CSRNP3: variants seen among roughly 807,000 people sequenced by gnomAD.
The protein encoded by CSRNP3 is cysteine/serine-rich nuclear protein 3.
A neutral mutation model predicts 48.0 loss-of-function variants in CSRNP3; 12 were observed. The ratio of observed to expected loss-of-function variants is 0.25; its 90% CI spans 0.16 to 0.41. CSRNP3 has a LOEUF of 0.41. Among genes scored for constraint, CSRNP3 ranks in the 10% least tolerant of loss-of-function variants. The probability of loss-of-function intolerance (pLI) is 1.00; values close to 1 mark genes in which losing one functional copy is unlikely to be tolerated. For missense variants in CSRNP3, 580 were observed against 724.4 expected (o/e 0.80, Z 2.29); for synonymous variants, 263 against 269.7 (o/e 0.98, Z 0.24).
intron 3 of CSRNP3, among the ~76,000 whole-genome samples, chr2:165,519,612 G>A (rs1270249402): frequency 1.3e-5 from 2 of 152,138 alleles, no homozygotes; most frequent in African/African-American, 2.4e-5. Context: ...CATTAGAGAA[G>A]CAGCTAAATT....
rs1687607071 is a variant in CSRNP3, at chr2:165,684,931, G to C, written c.*5178G>C. 3 of 152,088 alleles carry C rather than the reference G, an allele frequency of 2.0e-5. No homozygotes were observed. The highest frequency in any genetic ancestry group is 4.8e-5 in the African/African-American group (2 of 41,444). The allele number at this position is 152,088 out of a possible 1,614,324, so 9.4% of individuals were successfully genotyped here. ...GGCAGCCCCAAACCTAGAAGGGGCAGTTACAATGTGGACACCCTTTCAGCC... is the reference window on the plus strand; with the variant it reads ...GGCAGCCCCAAACCTAGAAGGGGCACTTACAATGTGGACACCCTTTCAGCC... On this transcript the variant is annotated 3_prime_UTR_variant, in exon 7 of 7. Transcript: ENST00000651982.
chr2:165,563,496 T>C (rs1685260618), intron 3 of CSRNP3, among the ~76,000 whole-genome samples: 1 of 152,198 alleles, frequency 6.6e-6, no homozygotes, highest in Admixed American at 6.5e-5. Context: ...GAATTTGCTG[T>C]GATTCTGGGG....
chr2:165,543,737 C>A (rs941801656), intron 3 of CSRNP3, among the ~76,000 whole-genome samples: 2 of 151,946 alleles, frequency 1.3e-5, no homozygotes, highest in Non-Finnish European at 2.9e-5. Flanking sequence ...TACAGGCATA[C>A]AATGCATAAT....
chr2:165,480,553 A>G (rs972753015), intron 1 of CSRNP3, among the ~76,000 whole-genome samples: 1 of 151,958 alleles, frequency 6.6e-6, no homozygotes, highest in African/African-American at 2.4e-5. Flanking sequence ...ACAAATTCAT[A>G]AACAGTTTTA....
rs1370037875 is a variant in CSRNP3 at position 165,679,542 on chromosome 2, A to G, written c.1547A>G (p.Asn516Ser). 1 of 1,613,842 alleles carries G rather than the reference A, an allele frequency of 6.2e-7. No homozygotes were observed. Reference sequence around the variant, plus strand: ...GAAAATGATAGCGGTGTGCCCTGCAATAGTTTATATCCTGAACACAGGTCC... The same window carrying G: ...GAAAATGATAGCGGTGTGCCCTGCAGTAGTTTATATCCTGAACACAGGTCC... ...SSENDSGVPC[N>S]SLYPEHRSNH... is the part of the protein sequence containing the mutation. Residue 516 changes from asparagine to serine, a missense_variant, in exon 7 of 7, where the codon AAT becomes AGT. Coordinates refer to ENST00000651982, the MANE Select transcript of CSRNP3 (RefSeq NM_001172173.2).
chr2:165,530,930 A>G (rs573023354), intron 3 of CSRNP3, among the ~76,000 whole-genome samples: 42 of 152,200 alleles, frequency 2.8e-4, no homozygotes, highest in African/African-American at 9.4e-4. Context: ...AAACTAAGGT[A>G]TGGGACTGTA....
intron 1 of CSRNP3, among the ~76,000 whole-genome samples, chr2:165,480,061 T>A (rs1464831099): frequency 2.0e-5 from 3 of 152,142 alleles, no homozygotes; most frequent in Non-Finnish European, 4.4e-5. Flanking sequence ...ATAGAACTGA[T>A]GTTTCTGTTT....
chr2:165,576,117 A>G (rs1000785358), intron 3 of CSRNP3, among the ~76,000 whole-genome samples: 6 of 150,356 alleles, frequency 4.0e-5, no homozygotes, highest in Non-Finnish European at 7.4e-5. Context: ...TAATTGTTTT[A>G]TATATGCATA....
intron 4 of CSRNP3, among the ~76,000 whole-genome samples, chr2:165,597,463 A>G (rs187603278): frequency 2.8e-4 from 43 of 152,304 alleles, no homozygotes; most frequent in African/African-American, 1.0e-3. Flanking sequence ...CTCACAACAT[A>G]TGCCAAAATA....
chr2:165,491,007 C>T (rs1345927396), intron 1 of CSRNP3, among the ~76,000 whole-genome samples: 1,608 of 137,988 alleles, frequency 0.012, 32 homozygotes, highest in African/African-American at 0.039. Flanking sequence ...TCAGAGTGAA[C>T]AGGCAACCTA....
chr2:165,614,959 G>T (rs761321559), intron 4 of CSRNP3, among the ~76,000 whole-genome samples: 10 of 152,106 alleles, frequency 6.6e-5, no homozygotes, highest in Non-Finnish European at 1.5e-4. Flanking sequence ...TATTTGTTAA[G>T]ATTTGTTTTG....
intron 5 of CSRNP3, among the ~76,000 whole-genome samples, chr2:165,676,097 A>C (rs867288567): frequency 1.3e-5 from 2 of 152,194 alleles, no homozygotes. Context: ...TCCAATTAAC[A>C]GTCTTCTGTT....
At chr2:165,506,494 C>G (rs1684427981) in intron 2 of CSRNP3, among the ~76,000 whole-genome samples, 1 of 151,972 alleles carries the variant, frequency 6.6e-6, no homozygotes, top group Non-Finnish European at 1.5e-5. Context: ...TGCAATGGCC[C>G]AACTTTTATA....
chr2:165,520,786 T>TATAC (rs1553472389), intron 3 of CSRNP3, among the ~76,000 whole-genome samples: 1,345 of 4,698 alleles, frequency 0.29, 36 homozygotes, highest in Non-Finnish European at 0.37. Context: ...ATATATATTA[T>TATAC]ATATATATAT....
chr2:165,604,538 T>C (rs1294223400), intron 4 of CSRNP3, among the ~76,000 whole-genome samples: 2 of 152,254 alleles, frequency 1.3e-5, no homozygotes, highest in African/African-American at 4.8e-5. Context: ...TTATTACTTA[T>C]CATATCTGAA....
chr2:165,595,113 A>G lies in CSRNP3; in HGVS notation c.48A>G (p.Ser16=). 6.2e-7 allele frequency: 1 copy of G among 1,614,104 alleles called. No individual in the cohort carries two copies. Residue 16 remains serine, a synonymous_variant, in exon 4 of 7, where the codon TCA becomes TCG. Coordinates refer to ENST00000651982, the MANE Select transcript of CSRNP3 (RefSeq NM_001172173.2). Reference sequence around the variant, plus strand: ...AGTTTGAAGAAGTTGACGGCTCCTCACCCTGCTCCTCTGTGAGGGAATCAG... The same window carrying G: ...AGTTTGAAGAAGTTGACGGCTCCTCGCCCTGCTCCTCTGTGAGGGAATCAG... ...KRKFEEVDGS[S]PCSSVRESDD...
rs148223855 is a variant in CSRNP3 at position 165,510,764 on chromosome 2, A to G, written c.-112-7109A>G. 3.8e-3 allele frequency among the ~76,000 whole-genome samples: 576 copies of G among 152,324 alleles called. 3 individuals carry two copies. The highest frequency in any genetic ancestry group is 6.1e-3 in the Admixed American group (93 of 15,284). On this transcript the variant is annotated intron_variant, in intron 2 of 6. Transcript: ENST00000651982. ...ACTATGTTTGAGAAGCCTATTGGCC[A>G]TTCAAATGGAGTTGCAGAATAGAGT...
intron 4 of CSRNP3, among the ~76,000 whole-genome samples, chr2:165,614,726 C>T (rs547600476): frequency 3.6e-4 from 55 of 152,120 alleles, no homozygotes; most frequent in Non-Finnish European, 7.4e-4. Context: ...AGTTGTAACA[C>T]ATGTATTGAT....
chr2:165,605,239 C>T (rs973573050), intron 4 of CSRNP3, among the ~76,000 whole-genome samples: 1 of 152,110 alleles, frequency 6.6e-6, no homozygotes, highest in South Asian at 2.1e-4. Context: ...CCTGCCTTCT[C>T]TCCATCTCCA....
Sources: gnomAD v4.1 joint callset for allele counts (sites outside exome capture counted in the v4.1 genomes callset) on GRCh38, gnomAD v4.1.1 for gene constraint, MANE v1.5 for transcripts, NCBI Gene and HGNC (gene_info 2026-07-23, HGNC 2026-07-21) for gene names.